LSG1: variants seen among roughly 807,000 people sequenced by gnomAD.
LSG1 encodes the protein large subunit GTPase 1 homolog.
LSG1 carries 55 observed loss-of-function variants against 82.6 expected under a neutral mutation model. The observed-to-expected ratio is 0.67, with a 90% CI of 0.54 to 0.83. LSG1 has a LOEUF of 0.83. LSG1 is among the 40% of genes least tolerant of loss of function. The probability of loss-of-function intolerance (pLI) is 0.00; values close to 1 mark genes in which losing one functional copy is unlikely to be tolerated. For synonymous variants in LSG1, 272 were observed against 282.5 expected (o/e 0.96, Z 0.37); for missense variants, 809 against 807.9 (o/e 1.00, Z -0.02).
chr3:194,644,844 G>T, intron 12 of LSG1, 98 bp from the exon 13 acceptor site: 1 of 970,334 alleles, frequency 1.0e-6, no homozygotes, highest in Non-Finnish European at 1.4e-6. Context: ...GGAGCTTTCT[G>T]CCTTCTGGTT....
chr3:194,645,557 C>CACACACAG (rs1718522390), intron 12 of LSG1, among the ~76,000 whole-genome samples: 2 of 55,984 alleles, frequency 3.6e-5, no homozygotes, highest in African/African-American at 6.4e-5. Flanking sequence ...CACACACACA[C>CACACACAG]ACACACACAC....
At chr3:194,662,739 G>T (rs1205142635) in intron 5 of LSG1, among the ~76,000 whole-genome samples, 1 of 152,190 alleles carries the variant, frequency 6.6e-6, no homozygotes, top group African/African-American at 2.4e-5. Flanking sequence ...TCCAGCCTGG[G>T]TAACAAGAGC....
chr3:194,666,844 C>A (rs1338881789), intron 2 of LSG1, among the ~76,000 whole-genome samples: 1 of 152,086 alleles, frequency 6.6e-6, no homozygotes, highest in Admixed American at 6.5e-5. Context: ...ATTCAGTTTC[C>A]AAGTTTTCAT....
intron 5 of LSG1, among the ~76,000 whole-genome samples, chr3:194,661,631 A>T (rs1718932350): frequency 6.6e-6 from 1 of 152,238 alleles, no homozygotes; most frequent in Non-Finnish European, 1.5e-5. Context: ...TATTAGAATT[A>T]AAGAGGCAGA....
chr3:194,669,730 A>G (rs1675927), intron 2 of LSG1, among the ~76,000 whole-genome samples: 98,036 of 152,036 alleles, frequency 0.64, 32,383 homozygotes, highest in East Asian at 0.87. Flanking sequence ...TCAGGAGATC[A>G]AGAACATCCT....
chr3:194,672,074 G>C lies in LSG1; in HGVS notation c.89C>G (p.Thr30Ser). Residue 30 changes from threonine (T) to serine (S), a missense_variant, in exon 1 of 14, where the codon ACT becomes AGT. Physicochemically the swap from Thr to Ser is moderately conservative, Grantham distance 58. Transcript: ENST00000265245. ...QTQRSRSHRH[T>S]DSWLHTSELN... is the part of the protein sequence containing the mutation. Reference sequence around the variant, plus strand: ...CATGGTCTGTCTTACCCAGGAGTCAGTGTGACGATGGCTTCGGCTCCGCTG... The same window carrying C: ...CATGGTCTGTCTTACCCAGGAGTCACTGTGACGATGGCTTCGGCTCCGCTG... 6.2e-7 allele frequency: 1 copy of C among 1,612,088 alleles called. No individual in the cohort carries two copies. The highest frequency in any genetic ancestry group is 8.5e-7 in the Non-Finnish European group (1 of 1,179,802).
chr3:194,661,346 TA>T (rs1718923978), intron 5 of LSG1, among the ~76,000 whole-genome samples: 1 of 152,204 alleles, frequency 6.6e-6, no homozygotes, highest in African/African-American at 2.4e-5. Flanking sequence ...CCTAATCAAC[TA>T]AAACTACAAT....
At chr3:194,646,403 G>A in intron 11 of LSG1, 160 bp from the exon 12 acceptor site, 1 of 536,166 alleles carries the variant, frequency 1.9e-6, no homozygotes, top group Non-Finnish European at 3.3e-6. Context: ...AAAAACACTA[G>A]ATAATCCAGG....
In LSG1 at chr3:194,644,677, G is replaced by T. The variant is rs944413020; in HGVS notation, c.1693C>A (p.Leu565Ile). 3.7e-6 allele frequency: 6 copies of T among 1,610,800 alleles called. No individual in the cohort carries two copies. The highest frequency in any genetic ancestry group is 1.6e-4 in the Middle Eastern group (1 of 6,074). The part of the protein sequence containing the change: ...PVTFQHQHQR[L>I]LENKMNSDEI... ...TCACTGTTCATTTTGTTCTCTAGGAGTCGCTGGTGTTGATGCTGAAAAGTT... is the reference window on the plus strand; with the variant it reads ...TCACTGTTCATTTTGTTCTCTAGGATTCGCTGGTGTTGATGCTGAAAAGTT... Residue 565 changes from leucine (L) to isoleucine (I), a missense_variant, in exon 13 of 14, where the codon CTC becomes ATC. Transcript: ENST00000265245.
rs556330073 is a variant in LSG1 at position 194,663,707 on chromosome 3, C to T, written c.521+1850G>A. On this transcript the variant is annotated intron_variant, in intron 5 of 13. Transcript: ENST00000265245. ...CTCAGAGAAAGCCTTTCCCTTCTTC[C>T]GCCTCAGAGAAAGCCTTTCCCTTCT... is the stretch of plus-strand genomic sequence containing the variant. 2.8e-3 allele frequency among the ~76,000 whole-genome samples: 7 copies of T among 2,528 alleles called. No homozygotes were observed. In the African/African-American group the frequency reaches 0.035, roughly 13 times the overall value. The allele number at this position is 2,528 out of a possible 152,430, so 1.7% of individuals were successfully genotyped here.
chr3:194,666,915 C>T (rs1192098438), intron 2 of LSG1, among the ~76,000 whole-genome samples: 1 of 152,126 alleles, frequency 6.6e-6, no homozygotes, highest in Non-Finnish European at 1.5e-5. Flanking sequence ...GCTCTAACCC[C>T]CACTCACTGA....
At chr3:194,671,920 A>C in intron 1 of LSG1, 144 bp downstream of exon 1, 2 of 729,220 alleles carry the variant, frequency 2.7e-6, no homozygotes, top group South Asian at 1.5e-5. Context: ...AGGGCCTGCT[A>C]CTCAGCTTGG....
At chr3:194,643,751 T>C (rs150222172) in intron 13 of LSG1, among the ~76,000 whole-genome samples, 2 of 152,320 alleles carry the variant, frequency 1.3e-5, no homozygotes, top group African/African-American at 4.8e-5. Flanking sequence ...TACACAAGTG[T>C]TCATTACACC....
Position 194,666,438 on chromosome 3 carries a change from C to A in LSG1, c.347+14G>T. Reference sequence around the variant, plus strand: ...CGGATGTTTTGTGGCATTCTAAATTCTTCTTCAGCTCACCTCCTCGGTATA... The same window carrying A: ...CGGATGTTTTGTGGCATTCTAAATTATTCTTCAGCTCACCTCCTCGGTATA... On this transcript the variant is annotated intron_variant, in intron 3 of 13. Transcript: ENST00000265245. The A allele has an allele frequency of 1.9e-6, 3 of 1,610,288 alleles. No homozygotes were observed. Among genetic ancestry groups the A allele is most frequent in the Non-Finnish European group, 2.5e-6 (3 of 1,178,790 alleles).
At chr3:194,660,791 C>A in intron 5 of LSG1, 1 of 446,460 alleles carries the variant, frequency 2.2e-6, no homozygotes, top group Non-Finnish European at 4.5e-6. Flanking sequence ...TCTTCCATCA[C>A]GTATAAGAAA....
chr3:194,652,274 C>T (rs1011759408), intron 8 of LSG1, among the ~76,000 whole-genome samples: 3 of 152,174 alleles, frequency 2.0e-5, no homozygotes, highest in Admixed American at 1.3e-4. Context: ...ATCTACTATG[C>T]AGTGTTTATG....
At chr3:194,665,448 C>A in intron 5 of LSG1, 109 bp downstream of exon 5, 1 of 675,404 alleles carries the variant, frequency 1.5e-6, no homozygotes, top group Non-Finnish European at 2.5e-6. Flanking sequence ...CAGTAACCCT[C>A]TGCATAGCTT....
Position 194,650,970 on chromosome 3 carries a change from G to A in LSG1, c.1330C>T (p.Pro444Ser), listed in dbSNP as rs373595145. Residue 444 changes from proline to serine, a missense_variant, in exon 10 of 14, where the codon CCA becomes TCA. Transcript: ENST00000265245. ...TCTGCCTTGGTAGACACAAAAGATGGCATCACCAAGCCAGGACAGTCACAC... is the reference window on the plus strand; with the variant it reads ...TCTGCCTTGGTAGACACAAAAGATGACATCACCAAGCCAGGACAGTCACAC... ...CLCDCPGLVM[P>S]SFVSTKAEMT... 1 of 1,614,120 alleles carries A rather than the reference G, an allele frequency of 6.2e-7. No individual in the cohort carries two copies. The highest frequency in any genetic ancestry group is 1.7e-5 in the Admixed American group (1 of 60,014).
Position 194,652,999 on chromosome 3 carries a change from A to G in LSG1, c.903T>C (p.Asp301=), listed in dbSNP as rs773338278. Residue 301 remains aspartate (D), a synonymous_variant, in exon 8 of 14, where the codon GAT becomes GAC. Coordinates refer to ENST00000265245, the MANE Select transcript of LSG1 (RefSeq NM_018385.3). The part of the protein sequence containing the change: ...SPSLSENPTT[D]EDDSEYEDCP... Reference sequence around the variant, plus strand: ...AGTCCTCATACTCACTGTCATCTTCATCCGTTGTGGGATTTTCACTAAGTG... The same window carrying G: ...AGTCCTCATACTCACTGTCATCTTCGTCCGTTGTGGGATTTTCACTAAGTG... 2.5e-5 allele frequency: 40 copies of G among 1,613,776 alleles called. No individual in the cohort carries two copies. The highest frequency in any genetic ancestry group is 3.3e-5 in the Admixed American group (2 of 59,978).
Sources: allele counts gnomAD v4.1 joint callset (sites outside exome capture counted in the v4.1 genomes callset), GRCh38; gene constraint gnomAD v4.1.1; transcripts MANE v1.5; gene names NCBI Gene and HGNC (gene_info 2026-07-23, HGNC 2026-07-21).